NINJ2: variants seen among roughly 807,000 people sequenced by gnomAD.
NINJ2 encodes ninjurin 2.
A neutral mutation model predicts 11.7 loss-of-function variants in NINJ2; 12 were observed. The ratio of observed to expected loss-of-function variants is 1.02; its 90% CI spans 0.66 to 1.66. The LOEUF (loss-of-function observed/expected upper bound fraction) is 1.66. NINJ2 is among the 40% of genes most tolerant of loss of function. The pLI, the probability that NINJ2 is intolerant of heterozygous loss-of-function variation, is 0.00. For synonymous variants in NINJ2, 93 were observed against 76.8 expected, an observed-to-expected ratio of 1.21 and a Z score of -1.10; for missense variants, 187 against 181.8, an observed-to-expected ratio of 1.03 and a Z score of -0.16.
intron 1 of NINJ2, among the ~76,000 whole-genome samples, chr12:654,199 AT>A (rs1565649933): frequency 6.6e-6 from 1 of 152,090 alleles, no homozygotes; most frequent in Non-Finnish European, 1.5e-5. Context: ...AAGACCTTGT[AT>A]CAAACAAAAA....
At chr12:577,448 T>TATACATATATATATATACATATATATG in intron 1 of NINJ2, among the ~76,000 whole-genome samples, 1 of 141,944 alleles carries the variant, frequency 7.0e-6, no homozygotes, top group East Asian at 2.0e-4. Flanking sequence ...TATATAAATA[T>TATACATATATATATATACATATATATG]TTTGGCACGA....
At chr12:600,656 GTGTGTGTGTGTGTGT>G (rs1947854868) in intron 1 of NINJ2, among the ~76,000 whole-genome samples, 5 of 16,922 alleles carry the variant, frequency 3.0e-4, no homozygotes, top group East Asian at 3.5e-3. Flanking sequence ...TTTTTGGGGT[GTGTGTGTGTGTGTGT>G]GTGTGTGTGT....
At chr12:654,906 A>G (rs532107654) in intron 1 of NINJ2, among the ~76,000 whole-genome samples, 21 of 143,878 alleles carry the variant, frequency 1.5e-4, no homozygotes, top group African/African-American at 4.9e-4. Flanking sequence ...AAAAAAAAAG[A>G]GAATAAAATA....
At chr12:606,518 A>G (rs1283054989) in intron 1 of NINJ2, among the ~76,000 whole-genome samples, 1 of 152,208 alleles carries the variant, frequency 6.6e-6, no homozygotes, top group Non-Finnish European at 1.5e-5. Flanking sequence ...CAAGTGCCCT[A>G]TATAATGAAT....
chr12:566,681 G>A (rs1947305055), intron 1 of NINJ2, among the ~76,000 whole-genome samples: 1 of 152,230 alleles, frequency 6.6e-6, no homozygotes, highest in African/African-American at 2.4e-5. Context: ...TCATCGGCTG[G>A]ATTTCCAACC....
intron 1 of NINJ2, among the ~76,000 whole-genome samples, chr12:659,507 C>G (rs1264738520): frequency 2.0e-5 from 3 of 152,196 alleles, no homozygotes; most frequent in African/African-American, 7.2e-5. Flanking sequence ...GATGCGCAGG[C>G]TTAGCTCCCT....
At chr12:596,572 C>G (rs986488667) in intron 1 of NINJ2, among the ~76,000 whole-genome samples, 3 of 152,064 alleles carry the variant, frequency 2.0e-5, no homozygotes, top group African/African-American at 7.2e-5. Context: ...AAGAAACAAA[C>G]AAACAATAAA....
At chr12:620,552 T>C (rs565986320) in intron 1 of NINJ2, among the ~76,000 whole-genome samples, 1 of 152,398 alleles carries the variant, frequency 6.6e-6, no homozygotes, top group South Asian at 2.1e-4. Context: ...CAGCATGCAG[T>C]TCTTCATTTG....
chr12:572,203 C>CG (rs1565618976), intron 1 of NINJ2, among the ~76,000 whole-genome samples: 1 of 152,188 alleles, frequency 6.6e-6, no homozygotes, highest in Non-Finnish European at 1.5e-5. Flanking sequence ...CGGAGAATCC[C>CG]GGGGGCTGAG....
chr12:605,210 G>C (rs1418341258), intron 1 of NINJ2, among the ~76,000 whole-genome samples: 3 of 152,260 alleles, frequency 2.0e-5, no homozygotes, highest in Non-Finnish European at 2.9e-5. Flanking sequence ...TCTGCAAAGT[G>C]CTGCTCTAGA....
rs1406702771 is a variant in NINJ2 at position 576,812 on chromosome 12, T to C, written c.34-10634A>G. ...TTCCAAAGAATCGATCTGCTCCCTCTCAATATCCACCCTAAACAAGAGCAC... is the reference window on the plus strand; with the variant it reads ...TTCCAAAGAATCGATCTGCTCCCTCCCAATATCCACCCTAAACAAGAGCAC... On this transcript the variant is annotated intron_variant, in intron 1 of 3. Coordinates refer to ENST00000305108, the MANE Select transcript of NINJ2 (RefSeq NM_016533.6). Among the ~76,000 whole-genome samples the C allele has an allele frequency of 2.6e-5, 4 of 152,196 alleles. No individual in the cohort carries two copies. In the East Asian group the frequency reaches 7.7e-4, roughly 29 times the overall value.
At chr12:599,277 G>A (rs1160670344) in intron 1 of NINJ2, among the ~76,000 whole-genome samples, 1 of 147,618 alleles carries the variant, frequency 6.8e-6, no homozygotes, top group African/African-American at 2.7e-5. Flanking sequence ...CCAGCTACTT[G>A]CGGGGCTGAG....
chr12:598,769 G>A (rs983922305), intron 1 of NINJ2, among the ~76,000 whole-genome samples: 7 of 150,886 alleles, frequency 4.6e-5, no homozygotes, highest in African/African-American at 1.7e-4. Flanking sequence ...GCACAATCAC[G>A]GCTCACTGGA....
chr12:627,969 A>AGTCCTTCCTGTCCTGTCCCT (rs1453454450), intron 1 of NINJ2, among the ~76,000 whole-genome samples: 1 of 152,214 alleles, frequency 6.6e-6, no homozygotes, highest in African/African-American at 2.4e-5. Flanking sequence ...AGCTAGGCCA[A>AGTCCTTCCTGTCCTGTCCCT]GTCCTTCCTG....
chr12:604,270 C>A (rs778697185), intron 1 of NINJ2, among the ~76,000 whole-genome samples: 1 of 152,064 alleles, frequency 6.6e-6, no homozygotes, highest in South Asian at 2.1e-4. Context: ...GTATAAGCTG[C>A]GAGGACAAAA....
intron 1 of NINJ2, among the ~76,000 whole-genome samples, chr12:588,106 C>T (rs1367361048): frequency 1.3e-5 from 2 of 150,786 alleles, no homozygotes; most frequent in Non-Finnish European, 2.9e-5. Context: ...AAAAAATTCC[C>T]ACTATGTGAA....
intron 1 of NINJ2, among the ~76,000 whole-genome samples, chr12:601,462 G>T (rs1048123383): frequency 9.9e-5 from 15 of 151,158 alleles, no homozygotes; most frequent in African/African-American, 3.6e-4. Flanking sequence ...GCAGGAGAAT[G>T]GTGTGAACCT....
intron 1 of NINJ2, among the ~76,000 whole-genome samples, chr12:629,758 A>G (rs1321426718): frequency 6.6e-6 from 1 of 150,436 alleles, no homozygotes; most frequent in Non-Finnish European, 1.5e-5. Context: ...CTGGTGGCGC[A>G]TGCCTGTAAT....
At chr12:641,732 C>A (rs1412296604) in intron 1 of NINJ2, among the ~76,000 whole-genome samples, 1 of 151,636 alleles carries the variant, frequency 6.6e-6, no homozygotes, top group Non-Finnish European at 1.5e-5. Context: ...GTAGTCCCAT[C>A]TACTCGGGAG....
Sources: allele counts gnomAD v4.1 joint callset (sites outside exome capture counted in the v4.1 genomes callset), GRCh38; gene constraint gnomAD v4.1.1; transcripts MANE v1.5; gene names NCBI Gene and HGNC (gene_info 2026-07-23, HGNC 2026-07-21).